The following ATP8A2 variants were observed in gnomAD, a reference collection of about 807,000 sequenced individuals.
The protein encoded by ATP8A2 is phospholipid-transporting ATPase IB.
ATP8A2 carries 100 observed loss-of-function variants against 165.6 expected under a neutral mutation model. The ratio of observed to expected loss-of-function variants is 0.60; its 90% CI spans 0.51 to 0.71. The LOEUF (loss-of-function observed/expected upper bound fraction) is 0.71, where lower values mean the gene tolerates loss of function less well. Ranked by LOEUF, ATP8A2 falls within the 30% of genes least tolerant of loss-of-function variation. The probability of loss-of-function intolerance (pLI) is 0.00; values close to 1 mark genes in which losing one functional copy is unlikely to be tolerated. For synonymous variants in ATP8A2, 543 were observed against 548.8 expected, an observed-to-expected ratio of 0.99 and a Z score of 0.15; for missense variants, 1,227 against 1,479.5, an observed-to-expected ratio of 0.83 and a Z score of 2.80.
At chr13:25,511,459 A>G (rs2037222207) in intron 2 of ATP8A2, among the ~76,000 whole-genome samples, 1 of 152,110 alleles carries the variant, frequency 6.6e-6, no homozygotes, top group Admixed American at 6.6e-5. Context: ...ATTCCCTGAT[A>G]TTTAGACACT....
chr13:25,888,256 T>C (rs1953229997), intron 33 of ATP8A2, among the ~76,000 whole-genome samples: 3 of 152,170 alleles, frequency 2.0e-5, no homozygotes, highest in Admixed American at 2.0e-4. Flanking sequence ...TGTTGTGAAA[T>C]TCTCTGTCTG....
At chr13:25,958,736 G>T (rs1955591219) in intron 33 of ATP8A2, among the ~76,000 whole-genome samples, 1 of 152,170 alleles carries the variant, frequency 6.6e-6, no homozygotes, top group Non-Finnish European at 1.5e-5. Context: ...TTAGTTATGT[G>T]TGTCACATTC....
chr13:25,780,506 G>C (rs2044849130), intron 27 of ATP8A2, among the ~76,000 whole-genome samples: 1 of 152,020 alleles, frequency 6.6e-6, no homozygotes, highest in African/African-American at 2.4e-5. Context: ...CAGCAATTTG[G>C]GGACCAAATG....
chr13:25,704,543 C>T (rs941847387), intron 25 of ATP8A2, among the ~76,000 whole-genome samples: 1 of 151,930 alleles, frequency 6.6e-6, no homozygotes, highest in Admixed American at 6.6e-5. Context: ...GCTATGTTGC[C>T]CAGGCTGCTC....
At chr13:25,876,651 A>G (rs1952826600) in intron 33 of ATP8A2, among the ~76,000 whole-genome samples, 1 of 152,250 alleles carries the variant, frequency 6.6e-6, no homozygotes, top group Non-Finnish European at 1.5e-5. Flanking sequence ...TTTTATGATT[A>G]ATGTGGGAAA....
At chr13:25,720,596 A>G (rs2043358057) in intron 25 of ATP8A2, among the ~76,000 whole-genome samples, 1 of 152,154 alleles carries the variant, frequency 6.6e-6, no homozygotes, top group East Asian at 1.9e-4. Flanking sequence ...CTCATCTCAC[A>G]CGTGGCCTCT....
chr13:25,427,138 C>A (rs140210935), intron 1 of ATP8A2, among the ~76,000 whole-genome samples: 17 of 152,266 alleles, frequency 1.1e-4, no homozygotes, highest in Admixed American at 3.9e-4. Context: ...GAGCAGTGGG[C>A]GAGCTAGCAC....
intron 1 of ATP8A2, among the ~76,000 whole-genome samples, chr13:25,382,972 G>C (rs370290621): frequency 6.6e-6 from 1 of 151,370 alleles, no homozygotes; most frequent in Admixed American, 6.6e-5. Flanking sequence ...AGCCAGGATG[G>C]TCTCCATCTC....
chr13:25,695,961 A>T (rs1300471018), intron 24 of ATP8A2, among the ~76,000 whole-genome samples: 2 of 152,224 alleles, frequency 1.3e-5, no homozygotes, highest in Admixed American at 1.3e-4. Context: ...GCCCAGACCC[A>T]TCAGAGGAAT....
At chr13:25,669,591 C>T (rs2042222542) in intron 24 of ATP8A2, among the ~76,000 whole-genome samples, 1 of 152,192 alleles carries the variant, frequency 6.6e-6, no homozygotes, top group Non-Finnish European at 1.5e-5. Flanking sequence ...ATGGATTTTT[C>T]ACCCTAGCTT....
chr13:25,610,540 A>G (rs1165448981), intron 24 of ATP8A2, among the ~76,000 whole-genome samples: 1 of 152,278 alleles, frequency 6.6e-6, no homozygotes, highest in East Asian at 1.9e-4. Flanking sequence ...GTTTGAAGTC[A>G]GGTAATGTGA....
intron 1 of ATP8A2, among the ~76,000 whole-genome samples, chr13:25,458,891 G>A (rs2035433269): frequency 6.6e-6 from 1 of 152,214 alleles, no homozygotes; most frequent in Admixed American, 6.5e-5. Flanking sequence ...GAATGAGGCT[G>A]ACAGAAGGTG....
chr13:25,852,313 G>C (rs757783722), intron 30 of ATP8A2, among the ~76,000 whole-genome samples: 7 of 152,074 alleles, frequency 4.6e-5, no homozygotes, highest in Non-Finnish European at 1.0e-4. Context: ...AGCAGTCTGC[G>C]ATGCACAGGT....
At chr13:26,003,358 G>GT (rs367548412) in intron 35 of ATP8A2, among the ~76,000 whole-genome samples, 8 of 4,500 alleles carry the variant, frequency 1.8e-3, no homozygotes, top group African/African-American at 2.0e-3. Flanking sequence ...CAGGTCCTTT[G>GT]TTTTTTTTTT....
rs2041276505 is a variant in ATP8A2, at chr13:25,632,853, G to A, written c.2211+43154G>A. On this transcript the variant is annotated intron_variant, in intron 24 of 36. Transcript: ENST00000381655. ...GAAGCTGCCCTCTTGCGTGGGAGAA[G>A]TTGTGCTCTGCTCACCCCTCTGAGC... Among the ~76,000 whole-genome samples the A allele has an allele frequency of 2.6e-5, 4 of 152,322 alleles. No homozygotes were observed. The South Asian group carries it at 8.3e-4, about 32-fold the overall frequency.
intron 27 of ATP8A2, among the ~76,000 whole-genome samples, chr13:25,809,045 A>C (rs1283610410): frequency 6.6e-6 from 1 of 152,194 alleles, no homozygotes; most frequent in African/African-American, 2.4e-5. Flanking sequence ...TACACGCTAC[A>C]TCTTCAGTTG....
At chr13:25,478,252 A>G (rs965364340) in intron 2 of ATP8A2, among the ~76,000 whole-genome samples, 15 of 152,132 alleles carry the variant, frequency 9.9e-5, no homozygotes. Flanking sequence ...GCTTAAGTTG[A>G]AAAAGTAGGT....
chr13:25,888,637 A>G (rs763785848), intron 33 of ATP8A2, among the ~76,000 whole-genome samples: 1 of 152,186 alleles, frequency 6.6e-6, no homozygotes, highest in East Asian at 1.9e-4. Context: ...AAGGTGGGCT[A>G]TCACCTGAGG....
At chr13:25,635,039 C>T (rs2041335589) in intron 24 of ATP8A2, among the ~76,000 whole-genome samples, 1 of 152,120 alleles carries the variant, frequency 6.6e-6, no homozygotes, top group Non-Finnish European at 1.5e-5. Flanking sequence ...AATGAATTTG[C>T]ATTCACTGGT....
Sources: gnomAD v4.1 joint callset for allele counts (sites outside exome capture counted in the v4.1 genomes callset) on GRCh38, gnomAD v4.1.1 for gene constraint, MANE v1.5 for transcripts, NCBI Gene and HGNC (gene_info 2026-07-23, HGNC 2026-07-21) for gene names.